Variants in CSDE1 observed in about 807,000 individuals in gnomAD.
The protein encoded by CSDE1 is cold shock domain containing E1.
CSDE1 carries 17 observed loss-of-function variants against 89.3 expected under a neutral mutation model. That is an observed-to-expected ratio of 0.19 (90% CI 0.13 to 0.29). The LOEUF (loss-of-function observed/expected upper bound fraction) is 0.29. CSDE1 is among the 10% of genes least tolerant of loss of function. The pLI is 1.00. For missense variants in CSDE1, 672 were observed against 984.2 expected (o/e 0.68, Z 4.24); for synonymous variants, 322 against 332.8 (o/e 0.97, Z 0.35).
chr1:114,720,725 A>G lies in CSDE1; in HGVS notation c.1874-8T>C. ...CCTCACCTTTCATATCGCCTGTAAA[A>G]CAGGTACAAAGTCTAAAAGCTAGTA... On this transcript the variant is annotated splice_polypyrimidine_tract_variant and splice_region_variant and intron_variant, in intron 16 of 19. Transcript: ENST00000358528. The G allele has an allele frequency of 6.2e-7, 1 of 1,613,686 alleles. No homozygotes were observed. Among genetic ancestry groups the G allele is most frequent in the Non-Finnish European group, 8.5e-7 (1 of 1,179,704 alleles).
chr1:114,730,769 A>G, intron 10 of CSDE1, 121 bp from the exon 11 acceptor site: 1 of 1,165,586 alleles, frequency 8.6e-7, no homozygotes, highest in Non-Finnish European at 1.2e-6. Flanking sequence ...CAAATACTGT[A>G]TCCACATTTG....
Position 114,718,181 on chromosome 1 carries a change from A to C in CSDE1, c.2385T>G (p.Gly795=), listed in dbSNP as rs1393179383. 6.2e-7 allele frequency: 1 copy of C among 1,614,114 alleles called. No individual in the cohort carries two copies. The highest frequency in any genetic ancestry group is 1.7e-5 in the Admixed American group (1 of 60,010). ...TTTGTGGATGTGGTTAGTCAATGAC[A>C]CCAGCTTGACGGATCTTTCTTTCTG... ...FGAERKIRQA[G]VID Residue 795 remains glycine, a synonymous_variant, in exon 20 of 20, where the codon GGT becomes GGG. Coordinates refer to ENST00000358528, the MANE Select transcript of CSDE1 (RefSeq NM_001007553.3).
rs1009975671 is a variant in CSDE1 at position 114,716,981 on chromosome 1, G to A, written c.*1188C>T. 2.0e-5 allele frequency: 3 copies of A among 152,578 alleles called. No homozygotes were observed. The highest frequency in any genetic ancestry group is 2.9e-5 in the Non-Finnish European group (2 of 68,028). 9.5% of individuals were successfully genotyped at this position (152,578 alleles called of 1,614,324 possible). ...CTTTCGCCATTAACAGAAAACTGGA[G>A]AAAGCAAAAATGTTTCGTGTTTACA... On this transcript the variant is annotated 3_prime_UTR_variant, in exon 20 of 20. Transcript: ENST00000358528.
In CSDE1 at chr1:114,726,403, T is replaced by G. The variant is rs368955422; in HGVS notation, c.1465-17A>C. The stretch of plus-strand genomic sequence containing the variant: ...AAATTCAACCTGTGAAAATTAAGGA[T>G]GCTCATTAACACCATATCACTTCCA... On this transcript the variant is annotated splice_polypyrimidine_tract_variant and intron_variant, in intron 13 of 19. Transcript: ENST00000358528. 2.5e-6 allele frequency: 4 copies of G among 1,601,010 alleles called. No individual in the cohort carries two copies. Among genetic ancestry groups the G allele is most frequent in the Non-Finnish European group, 3.4e-6 (4 of 1,173,758 alleles).
At chr1:114,728,801 TCCCAAGC>T (rs1473585652) in intron 12 of CSDE1, among the ~76,000 whole-genome samples, 2 of 152,196 alleles carry the variant, frequency 1.3e-5, no homozygotes, top group African/African-American at 4.8e-5. Flanking sequence ...TGAAATAATT[TCCCAAGC>T]TACAGTAAGT....
At position 114,723,924 on chromosome 1, in the gene CSDE1, G is replaced by A. The variant is rs1399421820; in HGVS notation, c.1832C>T (p.Thr611Ile). Residue 611 changes from threonine to isoleucine, a missense_variant, in exon 16 of 20, where the codon ACA (threonine) becomes ATA (isoleucine). This residue lies in a region of CSDE1 where 206 missense variants were observed against 332.4 expected (regional missense o/e 0.62). Transcript: ENST00000358528. ...VIRPLRSVDP[T>I]QTEYQGMIEI... is the part of the protein sequence containing the mutation. Reference sequence around the variant, plus strand: ...AATCATTCCTTGGTACTCAGTCTGTGTTGGATCAACACTCCTCAGGGGGCG... The same window carrying A: ...AATCATTCCTTGGTACTCAGTCTGTATTGGATCAACACTCCTCAGGGGGCG... 1 of 1,614,054 alleles carries A rather than the reference G, an allele frequency of 6.2e-7. No homozygotes were observed. The highest frequency in any genetic ancestry group is 8.5e-7 in the Non-Finnish European group (1 of 1,179,948).
chr1:114,747,686 C>T (rs1380942299), intron 2 of CSDE1, among the ~76,000 whole-genome samples: 7 of 151,942 alleles, frequency 4.6e-5, no homozygotes, highest in Non-Finnish European at 7.4e-5. Flanking sequence ...GGTGAAACCC[C>T]GTCTCTACTA....
chr1:114,741,466 T>G, intron 2 of CSDE1: 3 of 1,432,602 alleles, frequency 2.1e-6, no homozygotes, highest in Non-Finnish European at 2.8e-6. Flanking sequence ...TGAGTGGCAA[T>G]CCTAGGTCAT....
chr1:114,753,333 G>A (rs1661408132), intron 1 of CSDE1, among the ~76,000 whole-genome samples: 1 of 152,168 alleles, frequency 6.6e-6, no homozygotes, highest in South Asian at 2.1e-4. Context: ...GCACTAATGA[G>A]GTCTATTAGG....
At chr1:114,754,656 T>C (rs1482352544) in intron 1 of CSDE1, among the ~76,000 whole-genome samples, 2 of 152,244 alleles carry the variant, frequency 1.3e-5, no homozygotes, top group Non-Finnish European at 1.5e-5. Flanking sequence ...AAGTGCTTAA[T>C]AGGTCTTAAT....
In CSDE1 at chr1:114,730,308, C is replaced by T. The variant is rs1239190792; in HGVS notation, c.1306G>A (p.Ala436Thr). ...HRFLGTVEKE[A>T]TFSNPKTTSP... ...GTGGTTTTAGGATTGGAAAAAGTGG[C>T]TTCTTTTTCTACCGTGCCCAGAAAA... Residue 436 changes from alanine (A) to threonine (T), a missense_variant, in exon 12 of 20, where the codon GCC becomes ACC. Ala to Thr is a moderately conservative substitution (Grantham distance 58, BLOSUM62 0). Coordinates refer to ENST00000358528, the MANE Select transcript of CSDE1 (RefSeq NM_001007553.3). 9 of 1,613,970 alleles carry T rather than the reference C, an allele frequency of 5.6e-6. No homozygotes were observed. The highest frequency in any genetic ancestry group is 1.6e-4 in the Middle Eastern group (1 of 6,084).
At position 114,733,920 on chromosome 1, in the gene CSDE1, G is replaced by C. The variant is rs1570920750; in HGVS notation, c.712-63C>G. On this transcript the variant is annotated intron_variant, in intron 8 of 19. Coordinates refer to ENST00000358528, the MANE Select transcript of CSDE1 (RefSeq NM_001007553.3). Reference sequence around the variant, plus strand: ...GGAAGGAAGAATCACATAATTTTAAGTGTTTCTTAAAAACATAAACCAACT... The same window carrying C: ...GGAAGGAAGAATCACATAATTTTAACTGTTTCTTAAAAACATAAACCAACT... 47 of 1,607,038 alleles carry C rather than the reference G, an allele frequency of 2.9e-5. 1 individual carries two copies. In the South Asian group the frequency reaches 4.7e-4, roughly 16 times the overall value.
At chr1:114,726,948 CTT>C (rs1557992993) in intron 13 of CSDE1, 33 bp downstream of exon 13, 1 of 1,413,060 alleles carries the variant, frequency 7.1e-7, no homozygotes, top group South Asian at 1.2e-5. Flanking sequence ...GATGACAACT[CTT>C]AACCCTCTCT....
At chr1:114,745,324 G>A (rs894583682) in intron 2 of CSDE1, among the ~76,000 whole-genome samples, 1 of 152,144 alleles carries the variant, frequency 6.6e-6, no homozygotes, top group Non-Finnish European at 1.5e-5. Context: ...ATAATATAAA[G>A]TCTAACACAC....
rs2101061707 is a variant in CSDE1 at position 114,741,609 on chromosome 1, G to C, written c.1-1719C>G. Reference sequence around the variant, plus strand: ...TGAAGATAAGGGTAAAGAAAGTGAAGGAGGGGCTGCAGGAGAGGGATGAGG... The same window carrying C: ...TGAAGATAAGGGTAAAGAAAGTGAACGAGGGGCTGCAGGAGAGGGATGAGG... On this transcript the variant is annotated intron_variant, in intron 2 of 19. Transcript: ENST00000358528. The C allele has an allele frequency of 3.2e-6, 5 of 1,549,570 alleles. No individual in the cohort carries two copies. The East Asian group carries it at 1.2e-4, about 38-fold the overall frequency.
intron 2 of CSDE1, among the ~76,000 whole-genome samples, chr1:114,744,740 C>T (rs1204528249): frequency 6.8e-6 from 1 of 147,970 alleles, no homozygotes; most frequent in Non-Finnish European, 1.5e-5. Flanking sequence ...ATACAAAAAG[C>T]ACAAGCTTTT....
intron 3 of CSDE1, among the ~76,000 whole-genome samples, chr1:114,739,315 GCCA>G (rs1570933861): frequency 6.6e-6 from 1 of 152,210 alleles, no homozygotes; most frequent in East Asian, 1.9e-4. Context: ...ACAGGCGTAA[GCCA>G]CCGCGCCCAG....
chr1:114,743,517 T>C (rs926799415), intron 2 of CSDE1, among the ~76,000 whole-genome samples: 1 of 152,238 alleles, frequency 6.6e-6, no homozygotes, highest in Admixed American at 6.5e-5. Flanking sequence ...GTTTAGACTA[T>C]AGTTCTGATT....
chr1:114,720,756 C>A (rs1443856589), intron 16 of CSDE1, 39 bp from the exon 17 acceptor site: 2 of 1,588,406 alleles, frequency 1.3e-6, no homozygotes, highest in African/African-American at 2.7e-5. Context: ...TAGTATTTCA[C>A]AACAGTCCTC....
Sources: gnomAD v4.1 joint callset for allele counts (sites outside exome capture counted in the v4.1 genomes callset) on GRCh38, gnomAD v4.1.1 for gene constraint, gnomAD v4.1.1 regional missense constraint, MANE v1.5 for transcripts, NCBI Gene and HGNC (gene_info 2026-07-23, HGNC 2026-07-21) for gene names.